The following MCTP1 variants were observed in gnomAD, a reference collection of about 807,000 sequenced individuals.
MCTP1 encodes multiple C2 and transmembrane domain containing 1, also known as multiple C2 and transmembrane domain-containing protein 1.
MCTP1 carries 69 observed loss-of-function variants against 120.6 expected under a neutral mutation model. The ratio of observed to expected loss-of-function variants is 0.57; its 90% CI spans 0.47 to 0.70. The LOEUF (loss-of-function observed/expected upper bound fraction) is 0.70, where lower values mean the gene tolerates loss of function less well. MCTP1 is among the 30% of genes least tolerant of loss of function. The probability of loss-of-function intolerance (pLI) is 0.00; values close to 1 mark genes in which losing one functional copy is unlikely to be tolerated. For synonymous variants in MCTP1, 529 were observed against 493.1 expected (o/e 1.07, Z -0.96); for missense variants, 1,203 against 1,248.8 (o/e 0.96, Z 0.55).
intron 12 of MCTP1, among the ~76,000 whole-genome samples, chr5:94,873,688 A>T (rs1798246096): frequency 6.6e-6 from 1 of 151,986 alleles, no homozygotes; most frequent in Admixed American, 6.6e-5. Context: ...AGGGATTTCT[A>T]ATCAAATTTA....
Position 95,209,282 on chromosome 5 carries a change from C to A in MCTP1, c.720+74574G>T, listed in dbSNP as rs546820977. 2.6e-5 allele frequency among the ~76,000 whole-genome samples: 4 copies of A among 152,272 alleles called. No homozygotes were observed. In the East Asian group the frequency reaches 5.8e-4, roughly 22 times the overall value. On this transcript the variant is annotated intron_variant, in intron 1 of 22. Transcript: ENST00000515393. ...TCCCTGGCCAATCAGCCATGAAACA[C>A]CAGTTACATTACTCAGAAATTCTTT...
intron 8 of MCTP1, among the ~76,000 whole-genome samples, chr5:94,916,904 T>A (rs183342441): frequency 6.4e-4 from 98 of 152,378 alleles, no homozygotes; most frequent in African/African-American, 2.3e-3. Context: ...ATGTGGTGCA[T>A]GCGCACTGGC....
Position 95,219,080 on chromosome 5 carries a change from T to C in MCTP1, c.720+64776A>G, listed in dbSNP as rs1425865683. Among the ~76,000 whole-genome samples the C allele has an allele frequency of 3.9e-5, 6 of 152,288 alleles. No individual in the cohort carries two copies. The South Asian group carries it at 1.2e-3, about 32-fold the overall frequency. On this transcript the variant is annotated intron_variant, in intron 1 of 22. Transcript: ENST00000515393. The stretch of plus-strand genomic sequence containing the variant: ...TGATTTTTCTAATTTGGGCTAGTAA[T>C]GTAAAAATTTCCTTTTAAAGGCCAG...
At chr5:95,064,933 A>G (rs967530083) in intron 1 of MCTP1, among the ~76,000 whole-genome samples, 1 of 152,168 alleles carries the variant, frequency 6.6e-6, no homozygotes, top group South Asian at 2.1e-4. Context: ...GAAGAGTTCT[A>G]TTTTTTCCAC....
intron 17 of MCTP1, among the ~76,000 whole-genome samples, chr5:94,857,122 A>G (rs980448572): frequency 6.6e-6 from 1 of 151,698 alleles, no homozygotes; most frequent in Non-Finnish European, 1.5e-5. Flanking sequence ...CACCACATTT[A>G]TTCTCAGCTT....
chr5:95,015,090 A>G (rs79659280), intron 2 of MCTP1, among the ~76,000 whole-genome samples: 2,419 of 152,226 alleles, frequency 0.016, 60 homozygotes, highest in African/African-American at 0.056. Context: ...TTTTTTATGA[A>G]TAATGCTATT....
chr5:94,986,417 T>C (rs1177901736), intron 2 of MCTP1, among the ~76,000 whole-genome samples: 1 of 152,190 alleles, frequency 6.6e-6, no homozygotes, highest in Non-Finnish European at 1.5e-5. Context: ...TCATAATCTG[T>C]TTTACTAAGA....
chr5:94,763,108 G>C (rs558283514), intron 19 of MCTP1, among the ~76,000 whole-genome samples: 12 of 151,950 alleles, frequency 7.9e-5, no homozygotes, highest in Non-Finnish European at 1.5e-4. Context: ...CATTTTTACT[G>C]TTAAGTTAAA....
intron 17 of MCTP1, among the ~76,000 whole-genome samples, chr5:94,849,325 A>C (rs1178667288): frequency 2.6e-5 from 4 of 152,212 alleles, no homozygotes; most frequent in Non-Finnish European, 4.4e-5. Flanking sequence ...TAACACGTTA[A>C]TAGAACAAAA....
chr5:95,087,489 G>A (rs553391648), intron 1 of MCTP1, among the ~76,000 whole-genome samples: 27 of 152,180 alleles, frequency 1.8e-4, no homozygotes, highest in Non-Finnish European at 3.7e-4. Flanking sequence ...AGCTCCAGAT[G>A]GTTGACCAGA....
At chr5:95,044,562 T>C (rs1321598450) in intron 1 of MCTP1, among the ~76,000 whole-genome samples, 1 of 152,120 alleles carries the variant, frequency 6.6e-6, no homozygotes, top group Non-Finnish European at 1.5e-5. Context: ...CCTTTCTACT[T>C]GGATGTCTCA....
In MCTP1 at chr5:95,013,014, A is replaced by G. The variant is rs78271042; in HGVS notation, c.838+4353T>C. 8.3e-3 allele frequency among the ~76,000 whole-genome samples: 1,269 copies of G among 152,270 alleles called. 9 individuals are homozygous for G. The highest frequency in any genetic ancestry group is 0.013 in the Non-Finnish European group (894 of 68,004). On this transcript the variant is annotated intron_variant, in intron 2 of 22. Coordinates refer to ENST00000515393, the MANE Select transcript of MCTP1 (RefSeq NM_024717.7). ...GTAGCCAAGTTATGAATGCAAAGGAAAAGATCTAGAAGGGCATTTAAAACA... is the reference window on the plus strand; with the variant it reads ...GTAGCCAAGTTATGAATGCAAAGGAGAAGATCTAGAAGGGCATTTAAAACA...
chr5:95,232,170 A>C (rs1222072138), intron 1 of MCTP1, among the ~76,000 whole-genome samples: 5 of 151,604 alleles, frequency 3.3e-5, no homozygotes, highest in Non-Finnish European at 7.4e-5. Context: ...AAAAAAAAAA[A>C]AAAAAAACAG....
chr5:95,169,742 T>A (rs1178771574), intron 1 of MCTP1, among the ~76,000 whole-genome samples: 1 of 152,178 alleles, frequency 6.6e-6, no homozygotes, highest in Non-Finnish European at 1.5e-5. Flanking sequence ...AGTGGAGATA[T>A]CCCCTTTATC....
At chr5:94,860,766 G>T (rs1795632885) in intron 17 of MCTP1, among the ~76,000 whole-genome samples, 1 of 151,446 alleles carries the variant, frequency 6.6e-6, no homozygotes, top group Admixed American at 6.6e-5. Context: ...GGAAGCAACA[G>T]AAATCTTAGA....
chr5:95,061,471 T>C (rs1490090956), intron 1 of MCTP1, among the ~76,000 whole-genome samples: 14 of 122,542 alleles, frequency 1.1e-4, no homozygotes, highest in Non-Finnish European at 2.0e-4. Context: ...AGTCTCGCTC[T>C]GTCTCCCAGG....
intron 17 of MCTP1, among the ~76,000 whole-genome samples, chr5:94,834,344 T>C (rs1789207019): frequency 6.6e-6 from 1 of 152,188 alleles, no homozygotes; most frequent in South Asian, 2.1e-4. Flanking sequence ...TATATCACTC[T>C]ACATAACTAG....
At chr5:94,737,851 G>C (rs1222486493) in intron 19 of MCTP1, among the ~76,000 whole-genome samples, 1 of 152,060 alleles carries the variant, frequency 6.6e-6, no homozygotes, top group Middle Eastern at 3.2e-3. Flanking sequence ...TAATTTTTTT[G>C]TATTTTTAGT....
At chr5:94,875,009 C>T (rs974571179) in intron 12 of MCTP1, among the ~76,000 whole-genome samples, 4 of 152,064 alleles carry the variant, frequency 2.6e-5, no homozygotes, top group Non-Finnish European at 4.4e-5. Context: ...ATGTAGCAGG[C>T]AGTGTTCTAT....
Sources: allele counts gnomAD v4.1 joint callset (sites outside exome capture counted in the v4.1 genomes callset), GRCh38; gene constraint gnomAD v4.1.1; transcripts MANE v1.5; gene names NCBI Gene and HGNC (gene_info 2026-07-23, HGNC 2026-07-21).